The following NEGR1 variants were observed in gnomAD, a reference collection of about 807,000 sequenced individuals.
NEGR1 encodes neuronal growth regulator 1.
NEGR1 carries 10 observed loss-of-function variants against 40.9 expected under a neutral mutation model. That is an observed-to-expected ratio of 0.24 (90% CI 0.15 to 0.42). NEGR1 has a LOEUF of 0.42. NEGR1 is among the 10% of genes least tolerant of loss of function. The pLI is 1.00. For missense variants in NEGR1, 352 were observed against 438.9 expected (o/e 0.80, Z 1.77); for synonymous variants, 185 against 166.8 (o/e 1.11, Z -0.84).
rs72096511 is a variant in NEGR1 at position 72,126,088 on chromosome 1, A to AGTGTGTGTGTGT, written c.176+156230_176+156231insACACACACACAC. On this transcript the variant is annotated intron_variant, in intron 1 of 6. Transcript: ENST00000357731. ...ATTCCCTTATGAGTCATTAGAGAAA[A>AGTGTGTGTGTGT]GTATGTGTGTGTGTGTGTGTGTGTG... Among the ~76,000 whole-genome samples, 1,055 of 129,348 alleles carry AGTGTGTGTGTGT rather than the reference A, an allele frequency of 8.2e-3. 18 individuals carry two copies. Among genetic ancestry groups the AGTGTGTGTGTGT allele is most frequent in the East Asian group, 0.029 (126 of 4,318 alleles). 84.9% of individuals were successfully genotyped at this position (129,348 alleles called of 152,430 possible). A position where few individuals can be genotyped will look rare whatever the true frequency, so the allele number is the denominator to read the frequency against.
At chr1:71,755,313 T>G (rs960099004) in intron 3 of NEGR1, among the ~76,000 whole-genome samples, 15 of 152,308 alleles carry the variant, frequency 9.8e-5, no homozygotes, top group Middle Eastern at 3.4e-3. Flanking sequence ...TCTCAGCTAC[T>G]ACTCTTGTTT....
intron 4 of NEGR1, among the ~76,000 whole-genome samples, chr1:71,642,134 C>T (rs930167546): frequency 1.3e-5 from 2 of 151,882 alleles, no homozygotes; most frequent in Non-Finnish European, 2.9e-5. Flanking sequence ...GGGAGCGACA[C>T]AGTGACATTC....
At position 72,066,898 on chromosome 1, in the gene NEGR1, TA is replaced by T. The variant is rs1159486549; in HGVS notation, c.177-131588del. On this transcript the variant is annotated intron_variant, in intron 1 of 6. Coordinates refer to ENST00000357731, the MANE Select transcript of NEGR1 (RefSeq NM_173808.3). ...ATTGAAAGAGAAGGTCTGAGAAATG[TA>T]AAAGCCAGACAGAATGCTAATGAAA... is the stretch of plus-strand genomic sequence containing the variant. 7.9e-5 allele frequency among the ~76,000 whole-genome samples: 12 copies of T among 152,162 alleles called. No homozygotes were observed. The East Asian group carries it at 2.3e-3, about 29-fold the overall frequency.
At chr1:72,013,969 A>AT (rs879107718) in intron 1 of NEGR1, among the ~76,000 whole-genome samples, 18,182 of 128,220 alleles carry the variant, frequency 0.14, 480 homozygotes, top group East Asian at 0.35. Flanking sequence ...AAAATAAAAA[A>AT]AAAAAAAAAA....
chr1:71,850,535 C>T (rs914523576), intron 2 of NEGR1, among the ~76,000 whole-genome samples: 1 of 152,072 alleles, frequency 6.6e-6, no homozygotes, highest in African/African-American at 2.4e-5. Flanking sequence ...ACATTTTATG[C>T]TTTACAAATT....
chr1:71,435,139 G>T (rs1305488272), intron 6 of NEGR1, among the ~76,000 whole-genome samples: 4 of 151,728 alleles, frequency 2.6e-5, no homozygotes, highest in Non-Finnish European at 4.4e-5. Context: ...GGGAATTATT[G>T]TATCTACATC....
chr1:71,499,524 T>C, intron 6 of NEGR1, among the ~76,000 whole-genome samples: 1 of 148,364 alleles, frequency 6.7e-6, no homozygotes, highest in East Asian at 1.9e-4. Context: ...TATTATTATA[T>C]ATATATTAGT....
Position 72,034,660 on chromosome 1 carries a change from A to G in NEGR1, c.177-99349T>C, listed in dbSNP as rs181313589. Among the ~76,000 whole-genome samples, 17 of 152,320 alleles carry G rather than the reference A, an allele frequency of 1.1e-4. No homozygotes were observed. The East Asian group carries it at 3.1e-3, about 28-fold the overall frequency. ...TCAAAAGGCTCATTAATAGGTCACA[A>G]AAGGCCTTTGCATTCTCTGAACCTT... On this transcript the variant is annotated intron_variant, in intron 1 of 6. Transcript: ENST00000357731.
chr1:71,717,917 A>C (rs1654332190), intron 3 of NEGR1, among the ~76,000 whole-genome samples: 1 of 152,120 alleles, frequency 6.6e-6, no homozygotes, highest in African/African-American at 2.4e-5. Context: ...AAGGAGAGAG[A>C]CCTGGAGCAC....
At chr1:71,764,695 C>A (rs1305657276) in intron 3 of NEGR1, among the ~76,000 whole-genome samples, 2 of 152,016 alleles carry the variant, frequency 1.3e-5, no homozygotes, top group Non-Finnish European at 2.9e-5. Context: ...TTGACAAGGA[C>A]CAATTGAGAG....
rs1257814990 is a variant in NEGR1, at chr1:71,611,017, A to C, written c.788+9T>G. 8 of 1,613,244 alleles carry C rather than the reference A, an allele frequency of 5.0e-6. No individual in the cohort carries two copies. The South Asian group carries it at 6.6e-5, about 13-fold the overall frequency. On this transcript the variant is annotated intron_variant, in intron 5 of 6. Coordinates refer to ENST00000357731, the MANE Select transcript of NEGR1 (RefSeq NM_173808.3). ...GCTTAGAACACAGTAATAATCACAA[A>C]GTCCTCACTTCTTCTCTCCTTTGTA...
chr1:72,068,097 C>T (rs746745181), intron 1 of NEGR1, among the ~76,000 whole-genome samples: 1 of 152,152 alleles, frequency 6.6e-6, no homozygotes, highest in African/African-American at 2.4e-5. Context: ...CACTACATTA[C>T]TGTAACTGTT....
chr1:71,794,923 T>C (rs1218248212), intron 2 of NEGR1, among the ~76,000 whole-genome samples: 2 of 152,022 alleles, frequency 1.3e-5, no homozygotes, highest in African/African-American at 4.8e-5. Flanking sequence ...GAAAAATGGA[T>C]AAAGAATATG....
intron 1 of NEGR1, among the ~76,000 whole-genome samples, chr1:72,012,620 G>T (rs144738953): frequency 3.4e-4 from 52 of 152,070 alleles, no homozygotes; most frequent in African/African-American, 1.2e-3. Flanking sequence ...ACCTGGTTAA[G>T]AACCTGGGCA....
chr1:71,769,201 T>C (rs1656232393), intron 3 of NEGR1, among the ~76,000 whole-genome samples: 1 of 152,160 alleles, frequency 6.6e-6, no homozygotes, highest in African/African-American at 2.4e-5. Flanking sequence ...TCTAGGCTTA[T>C]TAATACAATC....
intron 5 of NEGR1, among the ~76,000 whole-genome samples, chr1:71,596,811 C>G (rs532198718): frequency 6.6e-6 from 1 of 152,062 alleles, no homozygotes; most frequent in Admixed American, 6.6e-5. Flanking sequence ...AGACTTCATT[C>G]CTAATGTAGG....
chr1:71,675,628 T>G (rs1398247942), intron 4 of NEGR1, among the ~76,000 whole-genome samples: 1 of 151,958 alleles, frequency 6.6e-6, no homozygotes, highest in Non-Finnish European at 1.5e-5. Context: ...ATTATGAGTT[T>G]GAACTTGGAT....
chr1:71,703,505 G>C (rs1347797275), intron 3 of NEGR1: 1 of 142,578 alleles, frequency 7.0e-6, no homozygotes, highest in Non-Finnish European at 1.5e-5. Flanking sequence ...AAAAAAAAAA[G>C]GAAATAAGAG....
chr1:71,415,716 A>AT (rs1021892969), intron 6 of NEGR1, among the ~76,000 whole-genome samples: 8 of 152,052 alleles, frequency 5.3e-5, no homozygotes, highest in Non-Finnish European at 7.4e-5. Flanking sequence ...AATGTTTTGG[A>AT]TTTTTTTGTT....
Sources: allele counts gnomAD v4.1 joint callset (sites outside exome capture counted in the v4.1 genomes callset), GRCh38; gene constraint gnomAD v4.1.1; transcripts MANE v1.5; gene names NCBI Gene and HGNC (gene_info 2026-07-23, HGNC 2026-07-21).